Variants in DNAH9 observed in about 807,000 individuals in gnomAD.
The protein encoded by DNAH9 is dynein axonemal heavy chain 9, also known as DNAH9 variant protein.
Under a neutral mutation model 471.6 loss-of-function variants are expected in DNAH9, and 345 were observed. The ratio of observed to expected loss-of-function variants is 0.73; its 90% CI spans 0.67 to 0.80. The LOEUF (loss-of-function observed/expected upper bound fraction) is 0.80. DNAH9 is among the 30% of genes least tolerant of loss of function. DNAH9 has a pLI of 0.00. For missense variants in DNAH9, 5,407 were observed against 5,609.2 expected, an observed-to-expected ratio of 0.96 and a Z score of 1.15; for synonymous variants, 2,093 against 2,123.6, an observed-to-expected ratio of 0.99 and a Z score of 0.40.
Position 11,834,809 on chromosome 17 carries a change from A to G in DNAH9, c.9418A>G (p.Lys3140Glu), listed in dbSNP as rs760372617. 1.1e-5 allele frequency: 18 copies of G among 1,614,010 alleles called. No individual in the cohort carries two copies. Among genetic ancestry groups the G allele is most frequent in the Non-Finnish European group, 1.4e-5 (17 of 1,180,032 alleles). Reference protein sequence around the residue: ...QKVAVIMLEVKQKQKDCEEDL... With the variant: ...QKVAVIMLEVEQKQKDCEEDL... ...GGTGGCCGTCATCATGCTAGAGGTG[A>G]AACAGAAGCAGAAGGACTGTGAGGA... The change falls in exon 49 of 69, where the codon AAA (lysine) becomes GAA (glutamate). Residue 3140 changes from lysine to glutamate, a missense_variant. By Grantham distance (56) the Lys-to-Glu change is moderately conservative (BLOSUM62 1). Coordinates refer to ENST00000262442, the MANE Select transcript of DNAH9 (RefSeq NM_001372.4).
At chr17:11,666,449 A>G (rs76309834) in intron 15 of DNAH9, among the ~76,000 whole-genome samples, 4,409 of 152,280 alleles carry the variant, frequency 0.029, 98 homozygotes, top group Non-Finnish European at 0.042. Context: ...TCTTTCTCCA[A>G]GATTACCAAA....
rs561896320 is a variant in DNAH9, at chr17:11,751,078, A to G, written c.6611-1755A>G. 7.9e-5 allele frequency among the ~76,000 whole-genome samples: 12 copies of G among 152,192 alleles called. No individual in the cohort carries two copies. The South Asian group carries it at 2.5e-3, about 32-fold the overall frequency. On this transcript the variant is annotated intron_variant, in intron 32 of 68. Coordinates refer to ENST00000262442, the MANE Select transcript of DNAH9 (RefSeq NM_001372.4). The stretch of plus-strand genomic sequence containing the variant: ...AACAGACAAGAGTAAAGTAGAAGAA[A>G]ATATTTAATTGATGACACATACTTG...
Position 11,598,845 on chromosome 17 carries a change from T to C in DNAH9, c.347T>C (p.Phe116Ser). The change falls in exon 1 of 69, where the codon TTC becomes TCC. Residue 116 changes from phenylalanine (F) to serine (S), a missense_variant. Transcript: ENST00000262442. ...TGPEPPGPDS[F>S]RGAVVCGDLP... ...CCCGAGCCTCCAGGGCCCGACAGCTTCCGCGGCGCAGTGGTCTGCGGGGAC... is the reference window on the plus strand; with the variant it reads ...CCCGAGCCTCCAGGGCCCGACAGCTCCCGCGGCGCAGTGGTCTGCGGGGAC... 1 of 1,523,476 alleles carries C rather than the reference T, an allele frequency of 6.6e-7. No homozygotes were observed. Among genetic ancestry groups the C allele is most frequent in the Non-Finnish European group, 8.8e-7 (1 of 1,140,746 alleles). The allele number at this position is 1,523,476 out of a possible 1,614,324, so 94.4% of individuals were successfully genotyped here.
In DNAH9 at chr17:11,664,817, C is replaced by G; in HGVS notation, c.2596-16C>G. The G allele has an allele frequency of 6.2e-7, 1 of 1,608,576 alleles. No homozygotes were observed. The highest frequency in any genetic ancestry group is 1.3e-5 in the African/African-American group (1 of 74,904). On this transcript the variant is annotated splice_polypyrimidine_tract_variant and intron_variant, in intron 14 of 68. Transcript: ENST00000262442. ...CTATTAAACGAGGTTTATATCCTTT[C>G]TTCTTCCTTTTATAGGAAAACCTGG...
chr17:11,712,598 A>C (rs2150791085), intron 26 of DNAH9, among the ~76,000 whole-genome samples: 1 of 152,174 alleles, frequency 6.6e-6, no homozygotes, highest in African/African-American at 2.4e-5. Flanking sequence ...TGTCCGTTTT[A>C]TTTCTTTATA....
At chr17:11,969,259 G>C in intron 68 of DNAH9, 41 bp from the exon 69 acceptor site, 1 of 1,578,066 alleles carries the variant, frequency 6.3e-7, no homozygotes, top group South Asian at 1.1e-5. Flanking sequence ...GCTGGGCTCT[G>C]GGTCTGATCT....
At chr17:11,666,402 C>G (rs888408835) in intron 15 of DNAH9, among the ~76,000 whole-genome samples, 1 of 152,172 alleles carries the variant, frequency 6.6e-6, no homozygotes, top group African/African-American at 2.4e-5. Context: ...GTGGGAAGGA[C>G]AGAGTGGGAC....
At chr17:11,829,282 T>C (rs1970607920) in intron 48 of DNAH9, among the ~76,000 whole-genome samples, 1 of 152,144 alleles carries the variant, frequency 6.6e-6, no homozygotes, top group East Asian at 1.9e-4. Flanking sequence ...ACCGCTTGAT[T>C]ATGAGAGGTT....
At chr17:11,667,751 G>C (rs2073897448) in intron 15 of DNAH9, among the ~76,000 whole-genome samples, 1 of 152,306 alleles carries the variant, frequency 6.6e-6, no homozygotes, top group African/African-American at 2.4e-5. Context: ...TGGTAGAGGA[G>C]AAGGAGACTG....
Position 11,838,924 on chromosome 17 carries a change from T to C in DNAH9, c.9507+4026T>C, listed in dbSNP as rs573659369. Among the ~76,000 whole-genome samples the C allele has an allele frequency of 3.9e-5, 6 of 152,328 alleles. No individual in the cohort carries two copies. The East Asian group carries it at 5.8e-4, about 15-fold the overall frequency. ...TCTGTTTTCTCATTATTTTCAAAGT[T>C]AGCAATAAATCTTTAGCTAATACAT... On this transcript the variant is annotated intron_variant, in intron 49 of 68. Coordinates refer to ENST00000262442, the MANE Select transcript of DNAH9 (RefSeq NM_001372.4).
At chr17:11,788,067 C>G (rs1421996150) in intron 41 of DNAH9, among the ~76,000 whole-genome samples, 1 of 152,198 alleles carries the variant, frequency 6.6e-6, no homozygotes, top group Non-Finnish European at 1.5e-5. Context: ...TAAGATGGTG[C>G]AGAGTTGGCA....
rs924483735 is a variant in DNAH9 at position 11,801,698 on chromosome 17, GA to G, written c.8420+3915del. Among the ~76,000 whole-genome samples, 47 of 148,674 alleles carry G rather than the reference GA, an allele frequency of 3.2e-4. 2 individuals are homozygous for G. The highest frequency in any genetic ancestry group is 6.9e-4 in the African/African-American group (28 of 40,624). On this transcript the variant is annotated intron_variant, in intron 43 of 68. Coordinates refer to ENST00000262442, the MANE Select transcript of DNAH9 (RefSeq NM_001372.4). Reference sequence around the variant, plus strand: ...AAGAGTGAAACTCCATCTCAAAAAAGAAAAAAAAAATTCAACCTTATGAAGC... The same window carrying G: ...AAGAGTGAAACTCCATCTCAAAAAAGAAAAAAAAATTCAACCTTATGAAGC...
chr17:11,719,871 C>T (rs188106592), intron 27 of DNAH9, among the ~76,000 whole-genome samples: 43 of 152,110 alleles, frequency 2.8e-4, no homozygotes, highest in African/African-American at 9.7e-5. Flanking sequence ...TCACAAGTAG[C>T]CAAGATGAAG....
At chr17:11,862,865 G>C (rs1971910642) in intron 50 of DNAH9, among the ~76,000 whole-genome samples, 1 of 151,634 alleles carries the variant, frequency 6.6e-6, no homozygotes, top group African/African-American at 2.4e-5. Flanking sequence ...TTTGTACATT[G>C]ATTTTGTATC....
intron 26 of DNAH9, among the ~76,000 whole-genome samples, chr17:11,717,205 A>C (rs2074978905): frequency 6.6e-6 from 1 of 152,192 alleles, no homozygotes. Context: ...TTTGCACTTA[A>C]TTGAAGGAGA....
At chr17:11,812,061 A>G (rs1201353788) in intron 45 of DNAH9, among the ~76,000 whole-genome samples, 1 of 133,890 alleles carries the variant, frequency 7.5e-6, no homozygotes, top group Non-Finnish European at 1.6e-5. Context: ...ATATACACAT[A>G]CATACACACA....
chr17:11,738,859 G>A (rs146627652), intron 28 of DNAH9, 21 bp from the exon 29 acceptor site: 63 of 1,611,774 alleles, frequency 3.9e-5, no homozygotes, highest in African/African-American at 5.3e-5. Flanking sequence ...GGAATTTCTC[G>A]CTGATTGATT....
At chr17:11,835,086 A>G (rs1036584840) in intron 49 of DNAH9, among the ~76,000 whole-genome samples, 188 bp downstream of exon 49, 8 of 152,238 alleles carry the variant, frequency 5.3e-5, no homozygotes, top group African/African-American at 9.6e-5. Flanking sequence ...TGAGCTACCA[A>G]TGAAATCCCG....
At chr17:11,808,852 AT>A (rs2150925919) in intron 44 of DNAH9, among the ~76,000 whole-genome samples, 1 of 152,300 alleles carries the variant, frequency 6.6e-6, no homozygotes. Flanking sequence ...TTTTCAAAGC[AT>A]CCCCAAGATG....
Sources: allele counts gnomAD v4.1 joint callset (sites outside exome capture counted in the v4.1 genomes callset), GRCh38; gene constraint gnomAD v4.1.1; transcripts MANE v1.5; gene names NCBI Gene and HGNC (gene_info 2026-07-23, HGNC 2026-07-21).